The following UBAC2 variants were observed in gnomAD, a reference collection of about 807,000 sequenced individuals.
UBAC2 encodes UBA domain containing 2, also known as ubiquitin-associated domain-containing protein 2.
A neutral mutation model predicts 44.0 loss-of-function variants in UBAC2; 26 were observed. The observed-to-expected ratio is 0.59, with a 90% confidence interval of 0.43 to 0.82. UBAC2 has a LOEUF of 0.82. Among genes scored for constraint, UBAC2 ranks in the 40% least tolerant of loss-of-function variants. The probability of loss-of-function intolerance (pLI) is 0.00; values close to 1 mark genes in which losing one functional copy is unlikely to be tolerated. For synonymous variants in UBAC2, 155 were observed against 154.3 expected (o/e 1.00, Z -0.04); for missense variants, 329 against 419.4 (o/e 0.78, Z 1.88).
At chr13:99,370,748 C>T (rs1229237208) in intron 8 of UBAC2, among the ~76,000 whole-genome samples, 2 of 152,176 alleles carry the variant, frequency 1.3e-5, no homozygotes, top group Non-Finnish European at 2.9e-5. Context: ...CTTGATCCAG[C>T]CCCTCCCGCT....
At chr13:99,224,767 A>G (rs1329292287) in intron 1 of UBAC2, among the ~76,000 whole-genome samples, 6 of 152,378 alleles carry the variant, frequency 3.9e-5, no homozygotes, top group South Asian at 2.1e-4. Flanking sequence ...AGTAGATTAT[A>G]GTCACATTTT....
chr13:99,333,986 T>C (rs2044752150), intron 6 of UBAC2, among the ~76,000 whole-genome samples: 1 of 152,200 alleles, frequency 6.6e-6, no homozygotes, highest in South Asian at 2.1e-4. Flanking sequence ...TCTTGCTCCG[T>C]CACCCAGGCT....
chr13:99,242,451 G>A (rs866403098), intron 2 of UBAC2, among the ~76,000 whole-genome samples: 7,028 of 135,210 alleles, frequency 0.052, 217 homozygotes, highest in East Asian at 0.083. Context: ...CTGGCCGGGC[G>A]GGGGGCTGAC....
At chr13:99,272,362 C>T (rs907129885) in intron 4 of UBAC2, among the ~76,000 whole-genome samples, 1 of 152,210 alleles carries the variant, frequency 6.6e-6, no homozygotes, top group African/African-American at 2.4e-5. Context: ...CACTGATCAA[C>T]TCATGGCCAC....
chr13:99,368,129 T>C (rs571529160), intron 8 of UBAC2, among the ~76,000 whole-genome samples: 2 of 152,190 alleles, frequency 1.3e-5, no homozygotes, highest in East Asian at 3.9e-4. Flanking sequence ...TGGGAATGTA[T>C]TATGGTAGCT....
chr13:99,290,233 A>G (rs1485624206), intron 4 of UBAC2, among the ~76,000 whole-genome samples: 1 of 152,212 alleles, frequency 6.6e-6, no homozygotes, highest in East Asian at 1.9e-4. Context: ...TTGAATGAGC[A>G]CTTTATATGT....
At chr13:99,294,311 G>T (rs1771038457) in intron 4 of UBAC2, among the ~76,000 whole-genome samples, 1 of 152,146 alleles carries the variant, frequency 6.6e-6, no homozygotes. Flanking sequence ...AATTTAGCAA[G>T]CAGACCCTCC....
At chr13:99,258,207 T>C (rs1650006879) in intron 4 of UBAC2, 1 of 152,274 alleles carries the variant, frequency 6.6e-6, no homozygotes, top group African/African-American at 2.4e-5. Context: ...GCACTTCCAC[T>C]TCTGTCGAAG....
At chr13:99,383,607 C>T (rs1269585899) in intron 8 of UBAC2, among the ~76,000 whole-genome samples, 3 of 152,264 alleles carry the variant, frequency 2.0e-5, no homozygotes, top group Non-Finnish European at 4.4e-5. Flanking sequence ...GGCAGCCCTT[C>T]TTGGCTTCCT....
chr13:99,242,685 ACC>A lies in UBAC2; in HGVS notation c.160-1140_160-1139del, dbSNP rs58095792. Among the ~76,000 whole-genome samples the A allele has an allele frequency of 6.8e-5, 6 of 87,782 alleles. 1 individual carries two copies. Among genetic ancestry groups the A allele is most frequent in the African/African-American group, 2.8e-4 (6 of 21,766 alleles). 57.6% of individuals were successfully genotyped at this position (87,782 alleles called of 152,430 possible). On this transcript the variant is annotated intron_variant, in intron 2 of 8. Transcript: ENST00000403766. ...GGGCGGCTGGCCGGGCGGGGGGCTGACCCCCCCCACCTCCCTCCCCGACGGGG... is the reference window on the plus strand; with the variant it reads ...GGGCGGCTGGCCGGGCGGGGGGCTGACCCCCCACCTCCCTCCCCGACGGGG...
intron 5 of UBAC2, 42 bp downstream of exon 5, chr13:99,314,262 C>CTT (rs57005833): frequency 0.079 from 90,085 of 1,136,772 alleles, 1,480 homozygotes; most frequent in African/African-American, 0.21. Flanking sequence ...TTAACCAGAT[C>CTT]TTTTTTTTTT....
At chr13:99,215,502 A>G (rs2042981756) in intron 1 of UBAC2, 5 of 1,466,834 alleles carry the variant, frequency 3.4e-6, no homozygotes, top group Non-Finnish European at 3.8e-6. Flanking sequence ...GTTGCAAGTG[A>G]CGAGGGGTAA....
chr13:99,310,147 C>T (rs982896959), intron 4 of UBAC2, among the ~76,000 whole-genome samples: 1 of 152,082 alleles, frequency 6.6e-6, no homozygotes, highest in African/African-American at 2.4e-5. Flanking sequence ...GGGAACACAG[C>T]GAGACCCTGT....
intron 1 of UBAC2, chr13:99,201,370 T>G (rs1025438582): frequency 1.9e-6 from 3 of 1,583,146 alleles, no homozygotes; most frequent in Non-Finnish European, 1.7e-6. Flanking sequence ...ACTTGCAAAG[T>G]TCAGCCTCCG....
rs559518720 is a variant in UBAC2, at chr13:99,360,987, T to C, written c.808-6800T>C. 6.6e-5 allele frequency among the ~76,000 whole-genome samples: 10 copies of C among 152,334 alleles called. No individual in the cohort carries two copies. In the South Asian group the frequency reaches 1.0e-3, roughly 16 times the overall value. On this transcript the variant is annotated intron_variant, in intron 7 of 8. Transcript: ENST00000403766. ...CCGTGAGCTCTTCTGGCTTCTCTAA[T>C]GTAGACACTGCCTGACCATCCCATC...
intron 1 of UBAC2, among the ~76,000 whole-genome samples, chr13:99,229,800 A>G (rs766564225): frequency 4.6e-5 from 7 of 152,248 alleles, no homozygotes; most frequent in Non-Finnish European, 1.0e-4. Flanking sequence ...TTATAAATGC[A>G]TAGGGAAATG....
Position 99,303,892 on chromosome 13 carries a change from G to T in UBAC2, c.390-10205G>T, listed in dbSNP as rs368551795. Among the ~76,000 whole-genome samples the T allele has an allele frequency of 1.9e-4, 29 of 152,284 alleles. No homozygotes were observed. In the East Asian group the frequency reaches 4.1e-3, roughly 21 times the overall value. On this transcript the variant is annotated intron_variant, in intron 4 of 8. Transcript: ENST00000403766. The stretch of plus-strand genomic sequence containing the variant: ...AGGCAGGGGTCGTGAAGGCGCCCAG[G>T]ACTCCGTGTTCTCCCTCACCTGCTG...
intron 4 of UBAC2, among the ~76,000 whole-genome samples, chr13:99,305,250 C>T (rs2044315327): frequency 6.6e-6 from 1 of 151,926 alleles, no homozygotes; most frequent in Admixed American, 6.6e-5. Flanking sequence ...CAAAACACCA[C>T]AGCCATCTGT....
At chr13:99,336,251 A>G (rs1351919897) in intron 6 of UBAC2, among the ~76,000 whole-genome samples, 1 of 152,154 alleles carries the variant, frequency 6.6e-6, no homozygotes. Context: ...GGTTGGCTGT[A>G]TGAATTCTGA....
Sources: allele counts gnomAD v4.1 joint callset (sites outside exome capture counted in the v4.1 genomes callset), GRCh38; gene constraint gnomAD v4.1.1; transcripts MANE v1.5; gene names NCBI Gene and HGNC (gene_info 2026-07-23, HGNC 2026-07-21).